The following CTNND2 variants were observed in gnomAD, a reference collection of about 807,000 sequenced individuals.
The protein encoded by CTNND2 is catenin delta 2, also known as catenin delta-2.
CTNND2 carries 22 observed loss-of-function variants against 144.4 expected under a neutral mutation model. The ratio of observed to expected loss-of-function variants is 0.15; its 90% CI spans 0.11 to 0.22. The LOEUF (loss-of-function observed/expected upper bound fraction) is 0.22. Among genes scored for constraint, CTNND2 ranks in the 10% least tolerant of loss-of-function variants. The pLI is 1.00. For missense variants in CTNND2, 1,353 were observed against 1,618.8 expected (o/e 0.84, Z 2.82); for synonymous variants, 751 against 695.6 (o/e 1.08, Z -1.25).
chr5:11,877,014 T>C (rs982194515), intron 1 of CTNND2, among the ~76,000 whole-genome samples: 1 of 152,152 alleles, frequency 6.6e-6, no homozygotes, highest in African/African-American at 2.4e-5. Flanking sequence ...ATGCTTCTTA[T>C]GTCTATTCTT....
chr5:11,128,932 T>TATATATTATATATAATATATAA lies in CTNND2; in HGVS notation c.2160-11366_2160-11365insTTATATATTATATATAATATAT, dbSNP rs1755067231. The stretch of plus-strand genomic sequence containing the variant: ...ATATATATAATATATAATACATAAA[T>TATATATTATATATAATATATAA]ATATATATTATATATAATATATAAA... On this transcript the variant is annotated intron_variant, in intron 12 of 21. Transcript: ENST00000304623. Among the ~76,000 whole-genome samples the TATATATTATATATAATATATAA allele has an allele frequency of 5.5e-4, 17 of 30,942 alleles. 3 individuals are homozygous for TATATATTATATATAATATATAA. The highest frequency in any genetic ancestry group is 1.4e-3 in the African/African-American group (17 of 11,900). 20.3% of individuals were successfully genotyped at this position (30,942 alleles called of 152,430 possible).
intron 6 of CTNND2, among the ~76,000 whole-genome samples, chr5:11,392,496 TA>T (rs893718284): frequency 6.6e-6 from 1 of 152,300 alleles, no homozygotes; most frequent in African/African-American, 2.4e-5. Context: ...TCATTTAATA[TA>T]ACTGCAATAG....
At chr5:11,675,169 AG>A (rs1236163378) in intron 2 of CTNND2, among the ~76,000 whole-genome samples, 2 of 152,202 alleles carry the variant, frequency 1.3e-5, no homozygotes, top group African/African-American at 4.8e-5. Context: ...TACTCAAAAA[AG>A]TAGAAAAAAA....
chr5:11,735,810 G>A (rs898834436), intron 1 of CTNND2, among the ~76,000 whole-genome samples: 1 of 152,128 alleles, frequency 6.6e-6, no homozygotes, highest in East Asian at 1.9e-4. Flanking sequence ...GCAGAACTGT[G>A]AGTCCATGAA....
At chr5:11,377,680 A>T (rs1758075467) in intron 7 of CTNND2, among the ~76,000 whole-genome samples, 1 of 152,174 alleles carries the variant, frequency 6.6e-6, no homozygotes, top group Admixed American at 6.5e-5. Context: ...GTAGATATTA[A>T]CTTCTGTGAA....
chr5:11,497,427 G>A (rs1770061923), intron 3 of CTNND2, among the ~76,000 whole-genome samples: 1 of 145,756 alleles, frequency 6.9e-6, no homozygotes, highest in African/African-American at 2.5e-5. Flanking sequence ...GTTAGATTAG[G>A]TGGTCATGAA....
intron 1 of CTNND2, among the ~76,000 whole-genome samples, chr5:11,733,543 C>G (rs1411824905): frequency 6.6e-6 from 1 of 152,098 alleles, no homozygotes; most frequent in Non-Finnish European, 1.5e-5. Context: ...AGACATTCCC[C>G]TTTGCAAGAA....
At chr5:11,088,468 G>A (rs1458357748) in intron 15 of CTNND2, among the ~76,000 whole-genome samples, 1 of 152,188 alleles carries the variant, frequency 6.6e-6, no homozygotes, top group Non-Finnish European at 1.5e-5. Context: ...CTTGTTCTAA[G>A]TTAATAGGCA....
At chr5:11,747,308 C>T (rs1788367649) in intron 1 of CTNND2, among the ~76,000 whole-genome samples, 1 of 152,116 alleles carries the variant, frequency 6.6e-6, no homozygotes, top group Non-Finnish European at 1.5e-5. Flanking sequence ...GAAATAGGCA[C>T]AGTACTTTAA....
chr5:11,350,413 G>A (rs561671720), intron 8 of CTNND2, among the ~76,000 whole-genome samples: 21 of 151,706 alleles, frequency 1.4e-4, no homozygotes, highest in African/African-American at 5.1e-4. Context: ...TTACATTTTA[G>A]TTTAACCAGT....
intron 3 of CTNND2, among the ~76,000 whole-genome samples, chr5:11,554,529 C>CT (rs11374631): frequency 1 from 152,267 of 152,268 alleles, 76,133 homozygotes; most frequent in Non-Finnish European, 1. Context: ...TCTCAATGTT[C>CT]TATCTACAAA....
intron 17 of CTNND2, among the ~76,000 whole-genome samples, chr5:11,022,037 C>T (rs929568702): frequency 1.3e-5 from 2 of 152,142 alleles, no homozygotes; most frequent in Non-Finnish European, 2.9e-5. Flanking sequence ...ACTGTTGGTT[C>T]TTAAAAACTA....
At position 11,346,491 on chromosome 5, in the gene CTNND2, G is replaced by T; in HGVS notation, c.1509C>A (p.Tyr503Ter). Residue 503 changes from tyrosine to a stop codon, truncating the protein, a stop_gained, in exon 9 of 22, where the codon TAC becomes TAA. Coordinates refer to ENST00000304623, the MANE Select transcript of CTNND2 (RefSeq NM_001332.4). LOFTEE classifies it high-confidence loss of function. Reference protein sequence around the residue: ...AGPASNYADPYRQLQYCPSVE... With the variant: ...AGPASNYADP ...CAGAGGGACAATACTGCAGCTGTCG[G>T]TAGGGGTCCGCGTAATTGGAGGCTG... is the stretch of plus-strand genomic sequence containing the variant. The T allele has an allele frequency of 6.2e-7, 1 of 1,606,056 alleles. No homozygotes were observed. Among genetic ancestry groups the T allele is most frequent in the Non-Finnish European group, 8.5e-7 (1 of 1,176,466 alleles).
At chr5:11,266,860 A>G (rs371025321) in intron 9 of CTNND2, among the ~76,000 whole-genome samples, 114 of 152,256 alleles carry the variant, frequency 7.5e-4, no homozygotes, top group African/African-American at 2.6e-3. Flanking sequence ...AACTGCCACA[A>G]ATGCAAAGAG....
At chr5:11,463,726 A>T (rs115463954) in intron 3 of CTNND2, among the ~76,000 whole-genome samples, 1,649 of 152,256 alleles carry the variant, frequency 0.011, 29 homozygotes, top group African/African-American at 0.038. Flanking sequence ...TCATGACGCA[A>T]AAAGCAAACC....
rs571080596 is a variant in CTNND2, at chr5:11,501,779, C to A, written c.287+63165G>T. ...ATACCAGCACTTTGGGAGGCCGAGACGGGCAGATCACAAGGTCGGGAGATT... is the reference window on the plus strand; with the variant it reads ...ATACCAGCACTTTGGGAGGCCGAGAAGGGCAGATCACAAGGTCGGGAGATT... On this transcript the variant is annotated intron_variant, in intron 3 of 21. Coordinates refer to ENST00000304623, the MANE Select transcript of CTNND2 (RefSeq NM_001332.4). Among the ~76,000 whole-genome samples, 4 of 151,696 alleles carry A rather than the reference C, an allele frequency of 2.6e-5. No homozygotes were observed. In the East Asian group the frequency reaches 7.8e-4, roughly 30 times the overall value.
chr5:11,757,056 T>C (rs1209934459), intron 1 of CTNND2, among the ~76,000 whole-genome samples: 1 of 151,658 alleles, frequency 6.6e-6, no homozygotes, highest in Non-Finnish European at 1.5e-5. Context: ...AAACAACATA[T>C]AGACAAATTT....
At chr5:11,078,279 A>G (rs1749161415) in intron 16 of CTNND2, among the ~76,000 whole-genome samples, 1 of 152,232 alleles carries the variant, frequency 6.6e-6, no homozygotes, top group African/African-American at 2.4e-5. Context: ...ACTTGGGTAC[A>G]GTATTTAAAG....
intron 1 of CTNND2, among the ~76,000 whole-genome samples, chr5:11,751,703 G>C (rs1274822122): frequency 6.6e-6 from 1 of 151,634 alleles, no homozygotes; most frequent in Non-Finnish European, 1.5e-5. Flanking sequence ...ATGGTGTAAT[G>C]ATTTACATTC....
Sources: allele counts gnomAD v4.1 joint callset (sites outside exome capture counted in the v4.1 genomes callset), GRCh38; gene constraint gnomAD v4.1.1; transcripts MANE v1.5; gene names NCBI Gene and HGNC (gene_info 2026-07-23, HGNC 2026-07-21).